The following KIF1A variants were observed in gnomAD, a reference collection of about 807,000 sequenced individuals.
The protein encoded by KIF1A is kinesin-like protein KIF1A.
Under a neutral mutation model 227.3 loss-of-function variants are expected in KIF1A, and 46 were observed. The ratio of observed to expected loss-of-function variants is 0.20; its 90% CI spans 0.16 to 0.26. The LOEUF is 0.26. Among genes scored for constraint, KIF1A ranks in the 10% least tolerant of loss-of-function variants. KIF1A has a pLI of 1.00. For missense variants in KIF1A, 1,683 were observed against 2,485.9 expected (o/e 0.68, Z 6.87); for synonymous variants, 1,022 against 1,012.8 (o/e 1.01, Z -0.17).
chr2:240,796,732 G>A (rs1243986120), intron 2 of KIF1A, among the ~76,000 whole-genome samples: 1 of 152,110 alleles, frequency 6.6e-6, no homozygotes. Context: ...CTTCTGGAAG[G>A]ATCATCCCTG....
intron 10 of KIF1A, among the ~76,000 whole-genome samples, chr2:240,780,797 T>C (rs931713019): frequency 0.075 from 919 of 12,310 alleles, no homozygotes; most frequent in Non-Finnish European, 0.087. Context: ...CACACACAGC[T>C]CCACACACAC....
chr2:240,769,036 C>G (rs531727767), intron 17 of KIF1A, 97 bp downstream of exon 17: 1 of 1,087,242 alleles, frequency 9.2e-7, no homozygotes, highest in South Asian at 1.3e-5. Context: ...ACCGTGCTCC[C>G]CTACTTCCAG....
At chr2:240,799,971 C>T (rs1380205187) in intron 1 of KIF1A, among the ~76,000 whole-genome samples, 4 of 152,008 alleles carry the variant, frequency 2.6e-5, no homozygotes, top group African/African-American at 7.3e-5. Flanking sequence ...TGGAATTTGG[C>T]AGGATAAGAG....
Position 240,734,248 on chromosome 2 carries a change from C to T in KIF1A, c.4007+2815G>A, listed in dbSNP as rs76904691. ...TGTCTGCCCTTCCCCAACCCCTGTG[C>T]TCATGGCTCTGCCTGCTACAGCCCC... On this transcript the variant is annotated intron_variant, in intron 38 of 48. Coordinates refer to ENST00000498729, the MANE Select transcript of KIF1A (RefSeq NM_001244008.2). Among the ~76,000 whole-genome samples the T allele has an allele frequency of 7.9e-5, 12 of 152,376 alleles. No individual in the cohort carries two copies. The East Asian group carries it at 2.3e-3, about 29-fold the overall frequency.
chr2:240,797,968 C>T, intron 1 of KIF1A, 156 bp from the exon 2 acceptor site: 1 of 490,664 alleles, frequency 2.0e-6, no homozygotes, highest in Non-Finnish European at 3.6e-6. Flanking sequence ...GGAGGCAGCG[C>T]AGATAATTCT....
Position 240,745,865 on chromosome 2 carries a change from C to T in KIF1A, c.3247G>A (p.Ala1083Thr), listed in dbSNP as rs201793635. Residue 1083 changes from alanine (A) to threonine (T), a missense_variant, in exon 31 of 49, where the codon GCC becomes ACC. Physicochemically the swap from Ala to Thr is moderately conservative, Grantham distance 58. Around this residue, in one of 12 missense-constraint regions of KIF1A, gnomAD observed 759 missense variants for 1,020.2 expected, o/e 0.74. Transcript: ENST00000498729. ...GLLLDSSEKA[A>T]LDGPLDAALD... ...GCAGCATCCAGGGGCCCATCCAGGG[C>T]GGCTTTCTCAGAGCTGTCTAGGAGG... is the stretch of plus-strand genomic sequence containing the variant. 2.8e-4 allele frequency: 452 copies of T among 1,611,754 alleles called. 3 individuals carry two copies. In the East Asian group the frequency reaches 6.4e-3, roughly 23 times the overall value.
At chr2:240,718,691 C>A (rs1559472445) in intron 47 of KIF1A, among the ~76,000 whole-genome samples, 1 of 152,260 alleles carries the variant, frequency 6.6e-6, no homozygotes, top group Non-Finnish European at 1.5e-5. Context: ...CTGGTGCCAC[C>A]CACCTTGGGT....
rs1285696052 is a variant in KIF1A at position 240,781,457 on chromosome 2, ACAGCTC to A, written c.882+1127_882+1132del. Among the ~76,000 whole-genome samples the A allele has an allele frequency of 2.3e-3, 130 of 55,594 alleles. 6 individuals carry two copies. Among genetic ancestry groups the A allele is most frequent in the East Asian group, 6.2e-3 (15 of 2,414 alleles). The allele number at this position is 55,594 out of a possible 152,430, so 36.5% of individuals were successfully genotyped here. ...CACACACACACACACACACACACAC[ACAGCTC>A]CACACACACACACACACACACACAG... On this transcript the variant is annotated intron_variant, in intron 10 of 48. Transcript: ENST00000498729.
At chr2:240,770,587 C>G (rs532340692) in intron 15 of KIF1A, among the ~76,000 whole-genome samples, 4 of 152,222 alleles carry the variant, frequency 2.6e-5, no homozygotes, top group Non-Finnish European at 5.9e-5. Flanking sequence ...CCCACTCACA[C>G]AATTAAAGAC....
chr2:240,794,696 C>T (rs962814920), intron 2 of KIF1A, among the ~76,000 whole-genome samples: 6 of 152,238 alleles, frequency 3.9e-5, no homozygotes, highest in Non-Finnish European at 5.9e-5. Flanking sequence ...TTGCATTTCA[C>T]GCAAGCAGCC....
chr2:240,791,852 C>T (rs879472540), intron 2 of KIF1A, among the ~76,000 whole-genome samples: 6 of 152,124 alleles, frequency 3.9e-5, no homozygotes, highest in African/African-American at 1.2e-4. Flanking sequence ...TTGTCCTGGG[C>T]CCCCACCCCT....
At chr2:240,810,821 C>T (rs189963463) in intron 1 of KIF1A, among the ~76,000 whole-genome samples, 69 of 152,276 alleles carry the variant, frequency 4.5e-4, no homozygotes, top group African/African-American at 1.6e-3. Flanking sequence ...CAAGGCCACT[C>T]GATGTGCCCG....
Position 240,776,953 on chromosome 2 carries a change from G to A in KIF1A, c.883-1027C>T, listed in dbSNP as rs1451931436. On this transcript the variant is annotated intron_variant, in intron 10 of 48. Coordinates refer to ENST00000498729, the MANE Select transcript of KIF1A (RefSeq NM_001244008.2). The stretch of plus-strand genomic sequence containing the variant: ...AGCAGGGTTTCAGGGTGTCCATCTC[G>A]CAGCTCAGCAGCATAACTGACTGCT... Among the ~76,000 whole-genome samples, 8 of 152,240 alleles carry A rather than the reference G, an allele frequency of 5.3e-5. No homozygotes were observed. In the East Asian group the frequency reaches 5.8e-4, roughly 11 times the overall value.
intron 38 of KIF1A, among the ~76,000 whole-genome samples, chr2:240,727,679 C>T (rs752255727): frequency 4.5e-4 from 68 of 152,182 alleles, no homozygotes; most frequent in Non-Finnish European, 1.5e-4. Context: ...ATGATGAGCA[C>T]GGCCTGAGCC....
rs953317853 is a variant in KIF1A, at chr2:240,743,368, G to A, written c.3585-384C>T. On this transcript the variant is annotated intron_variant, in intron 33 of 48. Coordinates refer to ENST00000498729, the MANE Select transcript of KIF1A (RefSeq NM_001244008.2). Reference sequence around the variant, plus strand: ...GGAGATGGGAAGAAAGGGCCCACCCGAGGCCTCTCTGCAGTTCTCTCTGCA... The same window carrying A: ...GGAGATGGGAAGAAAGGGCCCACCCAAGGCCTCTCTGCAGTTCTCTCTGCA... Among the ~76,000 whole-genome samples, 7 of 152,214 alleles carry A rather than the reference G, an allele frequency of 4.6e-5. No individual in the cohort carries two copies. The South Asian group carries it at 6.2e-4, about 14-fold the overall frequency.
At chr2:240,732,730 AAAAT>A (rs2046866787) in intron 38 of KIF1A, among the ~76,000 whole-genome samples, 1 of 78,418 alleles carries the variant, frequency 1.3e-5, no homozygotes, top group Non-Finnish European at 2.4e-5. Context: ...GGGATGAGGG[AAAAT>A]GAGGGAGGGA....
intron 27 of KIF1A, among the ~76,000 whole-genome samples, chr2:240,756,157 C>A (rs952557461): frequency 2.0e-5 from 3 of 152,124 alleles, no homozygotes; most frequent in African/African-American, 7.2e-5. Context: ...CCCGTGTAAA[C>A]CCTGCGATCT....
At chr2:240,809,959 C>CTATTTT (rs796842489) in intron 1 of KIF1A, among the ~76,000 whole-genome samples, 5 of 151,630 alleles carry the variant, frequency 3.3e-5, no homozygotes, top group South Asian at 2.1e-4. Flanking sequence ...GCCATCACAC[C>CTATTTT]TATTTTTATT....
At position 240,721,057 on chromosome 2, in the gene KIF1A, T is replaced by C. The variant is rs751756185; in HGVS notation, c.4744-19A>G. 6.2e-7 allele frequency: 1 copy of C among 1,611,040 alleles called. No individual in the cohort carries two copies. The highest frequency in any genetic ancestry group is 1.1e-5 in the South Asian group (1 of 90,712). ...CGGAGAGCTGCGGAGGAGAGGCCTT[T>C]TTCAGGGGACACAGGGAAGGGGGGT... is the stretch of plus-strand genomic sequence containing the variant. On this transcript the variant is annotated intron_variant, in intron 44 of 48. Coordinates refer to ENST00000498729, the MANE Select transcript of KIF1A (RefSeq NM_001244008.2).
Sources: gnomAD v4.1 joint callset for allele counts (sites outside exome capture counted in the v4.1 genomes callset) on GRCh38, gnomAD v4.1.1 for gene constraint, gnomAD v4.1.1 regional missense constraint, MANE v1.5 for transcripts, NCBI Gene and HGNC (gene_info 2026-07-23, HGNC 2026-07-21) for gene names.